The following NRXN1 variants were observed in gnomAD, a reference collection of about 807,000 sequenced individuals.
NRXN1 encodes the protein neurexin 1.
Under a neutral mutation model 150.9 loss-of-function variants are expected in NRXN1, and 39 were observed. The ratio of observed to expected loss-of-function variants is 0.26; its 90% CI spans 0.20 to 0.34. The LOEUF is 0.34. Ranked by LOEUF, NRXN1 falls within the 10% of genes least tolerant of loss-of-function variation. The pLI is 1.00. For synonymous variants in NRXN1, 924 were observed against 757.0 expected, an observed-to-expected ratio of 1.22 and a Z score of -3.62; for missense variants, 1,815 against 1,949.9, an observed-to-expected ratio of 0.93 and a Z score of 1.30.
intron 17 of NRXN1, among the ~76,000 whole-genome samples, chr2:50,326,352 T>C (rs987085890): frequency 1.3e-5 from 2 of 152,236 alleles, no homozygotes; most frequent in African/African-American, 4.8e-5. Context: ...CAGCTGTTTA[T>C]TGAAATTATT....
intron 17 of NRXN1, among the ~76,000 whole-genome samples, chr2:50,365,664 G>A (rs1474063623): frequency 6.6e-6 from 1 of 151,930 alleles, no homozygotes; most frequent in East Asian, 1.9e-4. Context: ...AGATACTTGA[G>A]GTAACATTAG....
At chr2:50,245,536 G>A (rs1165090181) in intron 17 of NRXN1, among the ~76,000 whole-genome samples, 1 of 151,792 alleles carries the variant, frequency 6.6e-6, no homozygotes. Flanking sequence ...CACATCATCA[G>A]GAACTTTAAG....
intron 19 of NRXN1, among the ~76,000 whole-genome samples, chr2:50,088,848 T>A (rs1388164912): frequency 6.6e-6 from 1 of 152,138 alleles, no homozygotes; most frequent in Non-Finnish European, 1.5e-5. Context: ...AGGAACCATA[T>A]CTTTTTTGAA....
intron 17 of NRXN1, among the ~76,000 whole-genome samples, chr2:50,294,101 C>G (rs2073272214): frequency 6.6e-6 from 1 of 152,154 alleles, no homozygotes; most frequent in African/African-American, 2.4e-5. Flanking sequence ...GAACCAAATT[C>G]CAATGAAACC....
At chr2:50,960,194 C>T (rs1196134230) in intron 2 of NRXN1, among the ~76,000 whole-genome samples, 4 of 151,694 alleles carry the variant, frequency 2.6e-5, no homozygotes, top group East Asian at 1.9e-4. Context: ...AAAAGGTTAG[C>T]GAGAAAGAGA....
At chr2:50,496,934 G>A (rs2091668235) in intron 14 of NRXN1, among the ~76,000 whole-genome samples, 1 of 152,056 alleles carries the variant, frequency 6.6e-6, no homozygotes, top group African/African-American at 2.4e-5. Flanking sequence ...AGTTAAAAGG[G>A]TTTTTTTGAA....
chr2:50,594,636 G>C (rs112071334), intron 8 of NRXN1, among the ~76,000 whole-genome samples: 1 of 152,108 alleles, frequency 6.6e-6, no homozygotes, highest in African/African-American at 2.4e-5. Context: ...TCTTTCTAAG[G>C]CCCATAGAAA....
intron 21 of NRXN1, among the ~76,000 whole-genome samples, chr2:49,955,838 G>A (rs1674843051): frequency 6.6e-6 from 1 of 152,028 alleles, no homozygotes; most frequent in South Asian, 2.1e-4. Flanking sequence ...AAGACAGAAT[G>A]CACTAATCAA....
At chr2:50,516,868 A>G (rs1237686629) in intron 12 of NRXN1, among the ~76,000 whole-genome samples, 1 of 152,362 alleles carries the variant, frequency 6.6e-6, no homozygotes. Context: ...TAAATGATAT[A>G]AAGTCAGACA....
chr2:50,388,411 C>G (rs905663972), intron 17 of NRXN1, among the ~76,000 whole-genome samples: 9 of 152,122 alleles, frequency 5.9e-5, no homozygotes, highest in African/African-American at 2.2e-4. Context: ...CTTGCCTTAG[C>G]TCGGGCAACA....
chr2:50,646,668 A>C (rs1005421856), intron 5 of NRXN1, among the ~76,000 whole-genome samples: 14 of 151,460 alleles, frequency 9.2e-5, no homozygotes, highest in African/African-American at 3.4e-4. Flanking sequence ...ATGATTCCTC[A>C]AACGGTGTAA....
At chr2:50,751,181 T>G (rs1700554947) in intron 5 of NRXN1, among the ~76,000 whole-genome samples, 2 of 152,112 alleles carry the variant, frequency 1.3e-5, no homozygotes, top group South Asian at 4.1e-4. Flanking sequence ...ATTTAACACT[T>G]TCTGTGCTCT....
intron 2 of NRXN1, among the ~76,000 whole-genome samples, chr2:50,997,850 T>C (rs1169577350): frequency 1.4e-5 from 2 of 141,818 alleles, no homozygotes; most frequent in Non-Finnish European, 3.0e-5. Flanking sequence ...ATTGGAGCAA[T>C]GCTTCTGAAG....
intron 5 of NRXN1, among the ~76,000 whole-genome samples, chr2:50,778,755 A>G (rs143527235): frequency 1.3e-5 from 2 of 152,286 alleles, no homozygotes; most frequent in East Asian, 3.9e-4. Flanking sequence ...CCAAATGTGC[A>G]TATGTTTGTG....
intron 18 of NRXN1, among the ~76,000 whole-genome samples, chr2:50,181,853 C>T (rs1158380698): frequency 6.6e-6 from 1 of 152,024 alleles, no homozygotes; most frequent in East Asian, 1.9e-4. Context: ...GGAAAACGAG[C>T]ATTGTTGTAT....
chr2:50,463,672 T>G (rs993451672), intron 17 of NRXN1, among the ~76,000 whole-genome samples: 1 of 151,822 alleles, frequency 6.6e-6, no homozygotes, highest in Non-Finnish European at 1.5e-5. Flanking sequence ...TGGTGTTTCT[T>G]TAGGGAAAGT....
chr2:50,200,255 A>G (rs1417285480), intron 18 of NRXN1, among the ~76,000 whole-genome samples: 1 of 152,182 alleles, frequency 6.6e-6, no homozygotes, highest in East Asian at 1.9e-4. Context: ...TTGAGAATCT[A>G]GATGAACTCT....
At chr2:50,610,675 A>C (rs1208845690) in intron 8 of NRXN1, among the ~76,000 whole-genome samples, 3 of 129,910 alleles carry the variant, frequency 2.3e-5, no homozygotes, top group Non-Finnish European at 3.2e-5. Flanking sequence ...ATATATATAT[A>C]TATCTGTACA....
chr2:50,470,070 T>C (rs549553019), intron 16 of NRXN1, among the ~76,000 whole-genome samples: 1 of 151,816 alleles, frequency 6.6e-6, no homozygotes, highest in East Asian at 1.9e-4. Context: ...ATTGGGTATA[T>C]CTGCCTGCTC....
Sources: allele counts gnomAD v4.1 joint callset (sites outside exome capture counted in the v4.1 genomes callset), GRCh38; gene constraint gnomAD v4.1.1; transcripts MANE v1.5; gene names NCBI Gene and HGNC (gene_info 2026-07-23, HGNC 2026-07-21).